The following CAMTA1 variants were observed in gnomAD, a reference collection of about 807,000 sequenced individuals.
CAMTA1 encodes calmodulin binding transcription activator 1.
Under a neutral mutation model 170.9 loss-of-function variants are expected in CAMTA1, and 27 were observed. The ratio of observed to expected loss-of-function variants is 0.16; its 90% CI spans 0.12 to 0.22. The LOEUF is 0.22. Among genes scored for constraint, CAMTA1 ranks in the 10% least tolerant of loss-of-function variants. CAMTA1 has a pLI of 1.00. For synonymous variants in CAMTA1, 833 were observed against 891.5 expected (o/e 0.93, Z 1.17); for missense variants, 1,619 against 2,217.2 (o/e 0.73, Z 5.42).
At chr1:7,404,822 T>C (rs2090172935) in intron 5 of CAMTA1, among the ~76,000 whole-genome samples, 2 of 152,262 alleles carry the variant, frequency 1.3e-5, no homozygotes, top group East Asian at 1.9e-4. Flanking sequence ...AACAAGAAAA[T>C]TGACAAATAC....
chr1:6,998,419 C>T (rs1370462640), intron 3 of CAMTA1, among the ~76,000 whole-genome samples: 2 of 152,186 alleles, frequency 1.3e-5, no homozygotes, highest in Non-Finnish European at 1.5e-5. Context: ...TGGAGCTCTG[C>T]GTGCTCTCCG....
intron 4 of CAMTA1, among the ~76,000 whole-genome samples, chr1:7,236,096 G>C (rs1297188697): frequency 6.6e-6 from 1 of 152,198 alleles, no homozygotes; most frequent in African/African-American, 2.4e-5. Flanking sequence ...CTTGTAACCA[G>C]TTTTCTTGCT....
intron 4 of CAMTA1, among the ~76,000 whole-genome samples, chr1:7,117,037 C>T (rs974746641): frequency 2.6e-5 from 4 of 151,850 alleles, no homozygotes; most frequent in East Asian, 1.9e-4. Context: ...GGCACAGTCT[C>T]GGCTCACTGC....
chr1:7,575,193 G>T (rs7536730), intron 6 of CAMTA1, among the ~76,000 whole-genome samples: 22,339 of 152,174 alleles, frequency 0.15, 5,328 homozygotes, highest in African/African-American at 0.5. Flanking sequence ...TGCCTTTGTG[G>T]TTATTCTTTG....
intron 3 of CAMTA1, among the ~76,000 whole-genome samples, chr1:7,040,467 A>T (rs537990347): frequency 2.6e-5 from 4 of 152,324 alleles, no homozygotes; most frequent in Admixed American, 2.0e-4. Context: ...ATGTGCTTAG[A>T]CAATGGATGA....
At chr1:7,202,583 C>A (rs1240011409) in intron 4 of CAMTA1, among the ~76,000 whole-genome samples, 4 of 152,068 alleles carry the variant, frequency 2.6e-5, no homozygotes, top group African/African-American at 9.7e-5. Context: ...ATAGTTTTTG[C>A]AATGTAAGTT....
intron 6 of CAMTA1, among the ~76,000 whole-genome samples, chr1:7,488,541 CACAT>C (rs2093650723): frequency 6.6e-6 from 1 of 152,108 alleles, no homozygotes; most frequent in Non-Finnish European, 1.5e-5. Context: ...CACATGCACA[CACAT>C]ACATCTGTAC....
At chr1:7,696,547 A>G (rs1027053144) in intron 11 of CAMTA1, among the ~76,000 whole-genome samples, 2 of 151,058 alleles carry the variant, frequency 1.3e-5, no homozygotes, top group African/African-American at 4.9e-5. Context: ...AAGCCACACC[A>G]TGACAGCTTG....
chr1:6,797,287 C>T (rs1570010726), intron 1 of CAMTA1, among the ~76,000 whole-genome samples: 1 of 152,122 alleles, frequency 6.6e-6, no homozygotes, highest in East Asian at 1.9e-4. Flanking sequence ...TCTCATACTA[C>T]AGGGCTCAAG....
chr1:7,271,680 A>C (rs1355196041), intron 5 of CAMTA1, among the ~76,000 whole-genome samples: 1 of 152,084 alleles, frequency 6.6e-6, no homozygotes, highest in Admixed American at 6.6e-5. Context: ...ATGAGACCCC[A>C]AAAAGGGAGA....
At chr1:6,789,085 T>C (rs902219433) in intron 1 of CAMTA1, among the ~76,000 whole-genome samples, 4 of 152,166 alleles carry the variant, frequency 2.6e-5, no homozygotes, top group African/African-American at 2.4e-5. Context: ...ACCTTACTTA[T>C]CCTGCTTCTG....
chr1:7,122,149 C>T (rs1357421443), intron 4 of CAMTA1, among the ~76,000 whole-genome samples: 4 of 152,064 alleles, frequency 2.6e-5, no homozygotes, highest in African/African-American at 9.7e-5. Flanking sequence ...TCTCGCCCTC[C>T]CTGTCCCTAA....
At chr1:7,032,043 G>A (rs925556180) in intron 3 of CAMTA1, among the ~76,000 whole-genome samples, 17 of 152,046 alleles carry the variant, frequency 1.1e-4, no homozygotes, top group Admixed American at 2.0e-4. Flanking sequence ...TTGGCTCACT[G>A]CAACCTGTAT....
Position 7,664,860 on chromosome 1 carries a change from C to T in CAMTA1, c.2313C>T (p.Asn771=), listed in dbSNP as rs747364616. 4 of 1,613,322 alleles carry T rather than the reference C, an allele frequency of 2.5e-6. No homozygotes were observed. The Admixed American group carries it at 6.7e-5, about 27-fold the overall frequency. The change falls in exon 9 of 23, where the codon AAC becomes AAT. Residue 771 remains asparagine, a synonymous_variant. Coordinates refer to ENST00000303635, the MANE Select transcript of CAMTA1 (RefSeq NM_015215.4). ...SLDHFDISFS[N]QFSDLINDFI... ...ACCACTTTGACATCTCCTTCAGCAA[C>T]CAGTTCTCCGACCTGATCAACGACT...
chr1:7,492,751 A>C (rs560397492), intron 6 of CAMTA1, among the ~76,000 whole-genome samples: 9 of 143,160 alleles, frequency 6.3e-5, no homozygotes, highest in Non-Finnish European at 1.5e-5. Context: ...ACGCGCGCAC[A>C]CACACACAAA....
chr1:6,812,974 A>G (rs776830599), intron 1 of CAMTA1, among the ~76,000 whole-genome samples: 6 of 152,104 alleles, frequency 3.9e-5, no homozygotes, highest in East Asian at 1.9e-4. Flanking sequence ...TTACTGTTTC[A>G]TTTTTTTATT....
At chr1:7,757,064 C>T (rs894496941) in intron 22 of CAMTA1, among the ~76,000 whole-genome samples, 1 of 152,126 alleles carries the variant, frequency 6.6e-6, no homozygotes, top group Non-Finnish European at 1.5e-5. Flanking sequence ...TTTATTTAGT[C>T]ATCTTTAAGA....
chr1:7,749,833 A>G (rs2096883233), intron 19 of CAMTA1: 1 of 456,130 alleles, frequency 2.2e-6, no homozygotes, highest in Non-Finnish European at 4.4e-6. Context: ...ATTCCACCAG[A>G]GTCACAAACT....
intron 6 of CAMTA1, among the ~76,000 whole-genome samples, chr1:7,556,897 C>T (rs2094886024): frequency 6.6e-6 from 1 of 152,160 alleles, no homozygotes; most frequent in Non-Finnish European, 1.5e-5. Flanking sequence ...TCATGGCGGG[C>T]ACTCCAGAAA....
Sources: allele counts gnomAD v4.1 joint callset (sites outside exome capture counted in the v4.1 genomes callset), GRCh38; gene constraint gnomAD v4.1.1; transcripts MANE v1.5; gene names NCBI Gene and HGNC (gene_info 2026-07-23, HGNC 2026-07-21).